The following ARPP21 variants were observed in gnomAD, a reference collection of about 807,000 sequenced individuals.
The protein encoded by ARPP21 is cAMP-regulated phosphoprotein 21.
In ARPP21, 69 loss-of-function variants were observed where a neutral mutation model predicts 113.2. The observed-to-expected ratio is 0.61, with a 90% CI of 0.50 to 0.74. The LOEUF (loss-of-function observed/expected upper bound fraction) is 0.74, where lower values mean the gene tolerates loss of function less well. Among genes scored for constraint, ARPP21 ranks in the 30% least tolerant of loss-of-function variants. The pLI, the probability that ARPP21 is intolerant of heterozygous loss-of-function variation, is 0.00. For missense variants in ARPP21, 1,070 were observed against 1,037.4 expected, an observed-to-expected ratio of 1.03 and a Z score of -0.43; for synonymous variants, 368 against 375.5, an observed-to-expected ratio of 0.98 and a Z score of 0.23.
intron 11 of ARPP21, among the ~76,000 whole-genome samples, chr3:35,712,509 GGTGTCTGT>G (rs1459181574): frequency 2.7e-4 from 29 of 108,576 alleles, no homozygotes; most frequent in African/African-American, 1.1e-3. Context: ...TGGTGTCTAA[GGTGTCTGT>G]GTGTGTGTGT....
At chr3:35,738,444 C>G (rs1001534105) in intron 17 of ARPP21, 126 bp downstream of exon 17, 2 of 675,870 alleles carry the variant, frequency 3.0e-6, no homozygotes, top group Admixed American at 4.8e-5. Context: ...GGGGTATGTG[C>G]GAATGTCTCA....
chr3:35,690,718 G>A, intron 8 of ARPP21, 147 bp from the exon 9 acceptor site: 1 of 685,396 alleles, frequency 1.5e-6, no homozygotes, highest in East Asian at 3.1e-5. Flanking sequence ...AATTTTTCTA[G>A]AAATTAGGAC....
At chr3:35,779,250 G>GA (rs1404320680) in intron 19 of ARPP21, among the ~76,000 whole-genome samples, 2 of 152,162 alleles carry the variant, frequency 1.3e-5, no homozygotes, top group Non-Finnish European at 2.9e-5. Context: ...ATTGGGGGAA[G>GA]AAAATGGCTT....
chr3:35,707,463 G>C (rs528580345), intron 10 of ARPP21: 17 of 471,202 alleles, frequency 3.6e-5, no homozygotes, highest in Non-Finnish European at 5.5e-5. Context: ...TTGTCCTTCA[G>C]TTGTGCACAA....
chr3:35,768,827 A>G (rs1160924656), intron 19 of ARPP21, among the ~76,000 whole-genome samples: 1 of 152,196 alleles, frequency 6.6e-6, no homozygotes, highest in African/African-American at 2.4e-5. Context: ...ATGTTATCAG[A>G]GTATCCTTTA....
chr3:35,691,015 A>T lies in ARPP21; in HGVS notation c.686+10A>T. The T allele has an allele frequency of 1.3e-6, 2 of 1,597,934 alleles. No homozygotes were observed. The highest frequency in any genetic ancestry group is 1.7e-6 in the Non-Finnish European group (2 of 1,173,612). ...CCAGCAGCACCAGAATGTAAGCCCC[A>T]TCACTGTACTTATTTAGCATTTTCT... On this transcript the variant is annotated intron_variant, in intron 9 of 20. Transcript: ENST00000684406.
intron 1 of ARPP21, among the ~76,000 whole-genome samples, chr3:35,669,941 G>A (rs2075903898): frequency 6.6e-6 from 1 of 152,072 alleles, no homozygotes; most frequent in South Asian, 2.1e-4. Context: ...AGTACTGCAT[G>A]GACCATTCAG....
At chr3:35,703,517 A>G (rs184822849) in intron 9 of ARPP21, among the ~76,000 whole-genome samples, 10 of 152,080 alleles carry the variant, frequency 6.6e-5, no homozygotes, top group Admixed American at 4.6e-4. Context: ...GTGGAAAAAC[A>G]TATTTTTACC....
intron 10 of ARPP21, chr3:35,707,389 A>G (rs2089545993): frequency 1.8e-6 from 1 of 546,924 alleles, no homozygotes; most frequent in Non-Finnish European, 3.5e-6. Context: ...TGTGGAGAAA[A>G]GCTTTGTCAG....
Position 35,640,233 on chromosome 3 carries a change from A to G in ARPP21, c.-378A>G, listed in dbSNP as rs1027874996. ...TAAATCGACCAAAAACAAAACAAAC[A>G]AACAAACCCAACAACAACAACAACA... is the stretch of plus-strand genomic sequence containing the variant. On this transcript the variant is annotated 5_prime_UTR_variant, in exon 1 of 21. Transcript: ENST00000684406. 1.3e-5 allele frequency: 2 copies of G among 152,450 alleles called. No individual in the cohort carries two copies. The highest frequency in any genetic ancestry group is 2.4e-5 in the African/African-American group (1 of 41,446). The allele number at this position is 152,450 out of a possible 1,614,324, so 9.4% of individuals were successfully genotyped here.
intron 19 of ARPP21, among the ~76,000 whole-genome samples, chr3:35,756,628 A>G (rs1233707786): frequency 6.6e-6 from 1 of 152,106 alleles, no homozygotes; most frequent in South Asian, 2.1e-4. Context: ...AGCCGACATC[A>G]TGATTCCCAC....
chr3:35,766,174 T>G (rs1455485), intron 19 of ARPP21, among the ~76,000 whole-genome samples: 6,063 of 152,292 alleles, frequency 0.04, 226 homozygotes, highest in South Asian at 0.11. Context: ...ACTAGAGTCA[T>G]GTTTTTATTC....
chr3:35,702,946 C>T (rs1005455351), intron 9 of ARPP21, among the ~76,000 whole-genome samples: 1 of 151,776 alleles, frequency 6.6e-6, no homozygotes, highest in African/African-American at 2.4e-5. Flanking sequence ...TATTAAAGTG[C>T]TTTTGATAGG....
At chr3:35,694,514 T>A in intron 9 of ARPP21, among the ~76,000 whole-genome samples, 1 of 151,562 alleles carries the variant, frequency 6.6e-6, no homozygotes, top group East Asian at 1.9e-4. Context: ...AAGCTTCATT[T>A]TGCAGAAGAA....
chr3:35,688,981 G>T (rs1185715649), intron 6 of ARPP21, among the ~76,000 whole-genome samples: 1 of 151,246 alleles, frequency 6.6e-6, no homozygotes, highest in South Asian at 2.1e-4. Flanking sequence ...GTCATGTGGG[G>T]TTTGTGCCCT....
In ARPP21 at chr3:35,737,028, T is replaced by A. The variant is rs111326067; in HGVS notation, c.1460-150T>A. On this transcript the variant is annotated intron_variant, in intron 15 of 20. Transcript: ENST00000684406. ...AAGCGATGGGTCACAAACAGTAAGG[T>A]CTTCACATTGGTGAAGGTTTTGGGG... The A allele has an allele frequency of 8.7e-3, 4,895 of 560,814 alleles. 58 individuals are homozygous for A. The highest frequency in any genetic ancestry group is 0.019 in the South Asian group (652 of 33,780). The allele number at this position is 560,814 out of a possible 1,614,324, so 34.7% of individuals were successfully genotyped here. A position where few individuals can be genotyped will look rare whatever the true frequency, so the allele number is the denominator to read the frequency against.
intron 9 of ARPP21, among the ~76,000 whole-genome samples, chr3:35,694,939 T>A (rs1322581239): frequency 6.8e-6 from 1 of 147,468 alleles, no homozygotes; most frequent in Non-Finnish European, 1.5e-5. Flanking sequence ...ATACATAATA[T>A]ATATATTTAT....
chr3:35,761,307 C>A (rs1393859204), intron 19 of ARPP21, among the ~76,000 whole-genome samples: 1 of 152,024 alleles, frequency 6.6e-6, no homozygotes, highest in Non-Finnish European at 1.5e-5. Context: ...GGTGGGTAGG[C>A]AACGTTTAGA....
intron 15 of ARPP21, 125 bp from the exon 16 acceptor site, chr3:35,737,053 G>A: frequency 1.6e-6 from 1 of 613,898 alleles, no homozygotes; most frequent in South Asian, 2.5e-5. Context: ...AGGTTTTGGG[G>A]TCTTAGATTT....
Sources: allele counts gnomAD v4.1 joint callset (sites outside exome capture counted in the v4.1 genomes callset), GRCh38; gene constraint gnomAD v4.1.1; transcripts MANE v1.5; gene names NCBI Gene and HGNC (gene_info 2026-07-23, HGNC 2026-07-21).